Variants in GDI2 observed in about 807,000 individuals in gnomAD.
GDI2 encodes the protein GDP dissociation inhibitor 2, also known as rab GDP dissociation inhibitor beta.
In GDI2, 22 loss-of-function variants were observed where a neutral mutation model predicts 54.2. The observed-to-expected ratio is 0.41, with a 90% CI of 0.29 to 0.58. The LOEUF is 0.58. Ranked by LOEUF, GDI2 falls within the 20% of genes least tolerant of loss-of-function variation. The pLI is 0.35. For missense variants in GDI2, 422 were observed against 546.0 expected, an observed-to-expected ratio of 0.77 and a Z score of 2.26; for synonymous variants, 177 against 182.1, an observed-to-expected ratio of 0.97 and a Z score of 0.23.
chr10:5,786,194 A>AG (rs1840872571), intron 4 of GDI2, 144 bp from the exon 5 acceptor site: 3 of 553,870 alleles, frequency 5.4e-6, no homozygotes, highest in Non-Finnish European at 9.2e-6. Context: ...TTTTTGAGAC[A>AG]GAGTCTTGCT....
At chr10:5,810,772 A>C (rs1483884730) in intron 1 of GDI2, among the ~76,000 whole-genome samples, 1 of 152,212 alleles carries the variant, frequency 6.6e-6, no homozygotes, top group Non-Finnish European at 1.5e-5. Context: ...ATTGTGTGGA[A>C]TATTCCATTT....
At chr10:5,797,629 CACATGAATCTGGGAGGTGGAGA>C in intron 2 of GDI2, among the ~76,000 whole-genome samples, 1 of 1,278 alleles carries the variant, frequency 7.8e-4, no homozygotes, top group Middle Eastern at 0.5. Flanking sequence ...GCAGGAGAAT[CACATGAATCTGGGAGGTGGAGA>C]ATCACATGAA....
intron 7 of GDI2, among the ~76,000 whole-genome samples, chr10:5,772,747 A>G (rs1048355496): frequency 6.6e-6 from 1 of 152,142 alleles, no homozygotes; most frequent in African/African-American, 2.4e-5. Context: ...ACAGAGCAAA[A>G]CGATTTGATG....
In GDI2 at chr10:5,771,879, C is replaced by T. The variant is rs956510565; in HGVS notation, c.819+1963G>A. Among the ~76,000 whole-genome samples, 57 of 152,152 alleles carry T rather than the reference C, an allele frequency of 3.7e-4. 1 individual carries two copies. Among genetic ancestry groups the T allele is most frequent in the Non-Finnish European group, 3.4e-4 (23 of 68,028 alleles). Reference sequence around the variant, plus strand: ...GGCCGAGGCAGGCAGATCACGAGGTCAAGAAACCAAGACCAGCCTGGCCAA... The same window carrying T: ...GGCCGAGGCAGGCAGATCACGAGGTTAAGAAACCAAGACCAGCCTGGCCAA... On this transcript the variant is annotated intron_variant, in intron 7 of 10. Transcript: ENST00000380191.
chr10:5,812,078 C>G (rs1316214001), intron 1 of GDI2: 1 of 235,204 alleles, frequency 4.3e-6, no homozygotes, highest in Admixed American at 5.5e-5. Flanking sequence ...ATAGGATACA[C>G]AAGATTTACA....
At chr10:5,780,756 TGAG>T (rs1840737200) in intron 6 of GDI2, among the ~76,000 whole-genome samples, 1 of 152,180 alleles carries the variant, frequency 6.6e-6, no homozygotes, top group East Asian at 1.9e-4. Context: ...AAAACACTGC[TGAG>T]AAGAAAACCA....
At chr10:5,787,764 G>A (rs978402712) in intron 4 of GDI2, among the ~76,000 whole-genome samples, 7 of 152,164 alleles carry the variant, frequency 4.6e-5, no homozygotes, top group African/African-American at 1.4e-4. Context: ...ATCATATTCC[G>A]GTCGGCACAG....
At chr10:5,778,188 G>C (rs139763449) in intron 6 of GDI2, among the ~76,000 whole-genome samples, 180 of 152,210 alleles carry the variant, frequency 1.2e-3, no homozygotes, top group African/African-American at 4.1e-3. Context: ...TAGATGATGG[G>C]TTGATGAGCA....
chr10:5,772,189 G>A (rs939114307), intron 7 of GDI2, among the ~76,000 whole-genome samples: 2 of 152,198 alleles, frequency 1.3e-5, no homozygotes, highest in Non-Finnish European at 2.9e-5. Flanking sequence ...ATGTGGAGAT[G>A]GAAGACAGTG....
chr10:5,794,978 A>G lies in GDI2; in HGVS notation c.295T>C (p.Tyr99His), dbSNP rs765371059. 1.3e-6 allele frequency: 2 copies of G among 1,594,316 alleles called. No homozygotes were observed. The highest frequency in any genetic ancestry group is 8.6e-7 in the Non-Finnish European group (1 of 1,161,962). Residue 99 changes from tyrosine to histidine, a missense_variant, in exon 4 of 11, where the codon TAT becomes CAT. Transcript: ENST00000380191. ...KMLLYTEVTR[Y>H]LDFKVTEGSF... ...CCTTCAGTCACTTTAAAATCCAGAT[A>G]GCGAGTTACCTCTGTATAAAGCAGC...
chr10:5,766,671 A>G lies in GDI2; in HGVS notation c.992-33T>C. The G allele has an allele frequency of 1.3e-6, 2 of 1,598,808 alleles. No individual in the cohort carries two copies. Among genetic ancestry groups the G allele is most frequent in the South Asian group, 1.1e-5 (1 of 90,732 alleles). On this transcript the variant is annotated intron_variant, in intron 8 of 10. Coordinates refer to ENST00000380191, the MANE Select transcript of GDI2 (RefSeq NM_001494.4). This position sits in a 1 kb window ranked among gnomAD's most constrained non-coding sequence, Gnocchi z 5.8. The stretch of plus-strand genomic sequence containing the variant: ...CAAATGATACCAGCTCACTGCCTCA[A>G]GTGTCTCCATCTGGGACCCAACATA...
intron 1 of GDI2, among the ~76,000 whole-genome samples, chr10:5,805,363 T>TTA (rs1841354347): frequency 1.9e-5 from 2 of 105,922 alleles, no homozygotes; most frequent in African/African-American, 7.1e-5. Context: ...ATTTGCTCTT[T>TTA]AAAAAAAAAA....
intron 7 of GDI2, among the ~76,000 whole-genome samples, chr10:5,772,241 T>C (rs1010594981): frequency 3.3e-5 from 5 of 152,208 alleles, no homozygotes; most frequent in Non-Finnish European, 7.3e-5. Flanking sequence ...TGAGTGAAGT[T>C]TGTTGGACCT....
chr10:5,781,625 C>CAAAA (rs34913780), intron 6 of GDI2, among the ~76,000 whole-genome samples: 1 of 97,166 alleles, frequency 1.0e-5, no homozygotes, highest in East Asian at 3.0e-4. Flanking sequence ...ACTCTGTCTC[C>CAAAA]AAAAAAAAAA....
rs375461774 is a variant in GDI2 at position 5,766,353 on chromosome 10, C to G, written c.1137-58G>C. The G allele has an allele frequency of 3.5e-5, 53 of 1,508,842 alleles. No homozygotes were observed. In the African/African-American group the frequency reaches 6.0e-4, roughly 17 times the overall value. 93.5% of individuals were successfully genotyped at this position (1,508,842 alleles called of 1,614,324 possible). On this transcript the variant is annotated intron_variant, in intron 9 of 10. Coordinates refer to ENST00000380191, the MANE Select transcript of GDI2 (RefSeq NM_001494.4). This position sits in a 1 kb window ranked among gnomAD's most constrained non-coding sequence, Gnocchi z 5.8. ...GGTCCCACACCTGACCATGGCTCTG[C>G]CTGAGGTCAACTGAGAGGTACAGAT... is the stretch of plus-strand genomic sequence containing the variant.
At chr10:5,798,267 A>C (rs1461365617) in intron 2 of GDI2, among the ~76,000 whole-genome samples, 1 of 152,242 alleles carries the variant, frequency 6.6e-6, no homozygotes, top group Non-Finnish European at 1.5e-5. Context: ...GTGGAAAAGA[A>C]TAAGCAAAAT....
chr10:5,785,823 A>G, intron 5 of GDI2, 29 bp downstream of exon 5: 1 of 1,336,638 alleles, frequency 7.5e-7, no homozygotes, highest in Non-Finnish European at 1.1e-6. Context: ...TTTCAAGAAA[A>G]ATACAAATCT....
At chr10:5,790,894 G>A (rs755832623) in intron 4 of GDI2, among the ~76,000 whole-genome samples, 3 of 151,952 alleles carry the variant, frequency 2.0e-5, no homozygotes, top group Non-Finnish European at 4.4e-5. Flanking sequence ...AGTGGCTCAC[G>A]CCTGTAGTGC....
chr10:5,812,413 G>T (rs1050428559), intron 1 of GDI2, among the ~76,000 whole-genome samples: 10 of 152,116 alleles, frequency 6.6e-5, no homozygotes, highest in African/African-American at 2.4e-4. Context: ...CAGAGAACTT[G>T]GCTTTTAGCA....
Sources: gnomAD v4.1 joint callset for allele counts (sites outside exome capture counted in the v4.1 genomes callset) on GRCh38, gnomAD v4.1.1 for gene constraint, Gnocchi (gnomAD v3.1) non-coding constraint, MANE v1.5 for transcripts, NCBI Gene and HGNC (gene_info 2026-07-23, HGNC 2026-07-21) for gene names.